ZFAND1: variants seen among roughly 807,000 people sequenced by gnomAD.
ZFAND1 encodes the protein AN1-type zinc finger protein 1.
A neutral mutation model predicts 38.5 loss-of-function variants in ZFAND1; 40 were observed. That is an observed-to-expected ratio of 1.04 (90% CI 0.81 to 1.35). ZFAND1 has a LOEUF of 1.35. ZFAND1 is among the 40% of genes most tolerant of loss of function. The pLI is 0.00. For synonymous variants in ZFAND1, 117 were observed against 103.6 expected (o/e 1.13, Z -0.78); for missense variants, 346 against 316.3 (o/e 1.09, Z -0.71).
At chr8:81,714,167 C>T in intron 5 of ZFAND1, 128 bp from the exon 6 acceptor site, 1 of 850,056 alleles carries the variant, frequency 1.2e-6, no homozygotes, top group African/African-American at 1.7e-5. Context: ...ACAGAGACCA[C>T]ATTCATTGTA....
intron 6 of ZFAND1, among the ~76,000 whole-genome samples, chr8:81,705,745 AC>A (rs1807959619): frequency 6.6e-6 from 1 of 152,080 alleles, no homozygotes; most frequent in Non-Finnish European, 1.5e-5. Context: ...ACATGGCAAA[AC>A]CCCGTCTCTT....
In ZFAND1 at chr8:81,715,071, G is replaced by C. The variant is rs1181970395; in HGVS notation, c.182C>G (p.Ser61Cys). Residue 61 changes from serine (S) to cysteine (C), a missense_variant, in exon 4 of 8, where the codon TCT (serine) becomes TGT (cysteine). Transcript: ENST00000220669. The part of the protein sequence containing the change: ...NERLKTDQHT[S>C]YPCSFKDCAE... ...ACAGTCTTTGAAAGAGCATGGGTAA[G>C]ATGTATGTTGATCTGTCTTCAGTCT... The C allele has an allele frequency of 1.2e-6, 2 of 1,613,920 alleles. No homozygotes were observed. Among genetic ancestry groups the C allele is most frequent in the Non-Finnish European group, 1.7e-6 (2 of 1,179,970 alleles).
chr8:81,703,479 A>G (rs1449950183), intron 6 of ZFAND1, among the ~76,000 whole-genome samples: 1 of 152,208 alleles, frequency 6.6e-6, no homozygotes, highest in African/African-American at 2.4e-5. Context: ...GCTAGAGTGC[A>G]ATGGCACGTT....
chr8:81,714,911 G>A lies in ZFAND1; in HGVS notation c.267-16C>T. 1.9e-6 allele frequency: 3 copies of A among 1,613,998 alleles called. No homozygotes were observed. Among genetic ancestry groups the A allele is most frequent in the Non-Finnish European group, 2.5e-6 (3 of 1,179,892 alleles). Reference sequence around the variant, plus strand: ...ATGACGGTGTCTATGAGCAACAGAAGAGTGACACTAGTTCATGTGTTTGTA... The same window carrying A: ...ATGACGGTGTCTATGAGCAACAGAAAAGTGACACTAGTTCATGTGTTTGTA... On this transcript the variant is annotated splice_polypyrimidine_tract_variant and intron_variant, in intron 4 of 7. Transcript: ENST00000220669.
At chr8:81,713,801 A>G (rs919752495) in intron 6 of ZFAND1, 117 bp downstream of exon 6, 30 of 1,040,498 alleles carry the variant, frequency 2.9e-5, no homozygotes, top group African/African-American at 2.7e-4. Flanking sequence ...ACCATGCAAC[A>G]TTAAGAATGA....
At chr8:81,721,194 G>T in intron 1 of ZFAND1, 33 bp downstream of exon 1, 1 of 1,545,380 alleles carries the variant, frequency 6.5e-7, no homozygotes. Context: ...GTCTCCCGCG[G>T]CCGGGGATGG....
At position 81,714,892 on chromosome 8, in the gene ZFAND1, G is replaced by A. The variant is rs757960679; in HGVS notation, c.270C>T (p.His90=). ...CACACTCATGATCTGACTGATGACG[G>A]TGTCTATGAGCAACAGAAGAGTGAC... ...PYCEKNFCLR[H]RHQSDHECEK... The change falls in exon 5 of 8, where the codon CAC becomes CAT. Residue 90 remains histidine, a synonymous_variant. Transcript: ENST00000220669. 6.2e-6 allele frequency: 10 copies of A among 1,614,060 alleles called. No homozygotes were observed. The highest frequency in any genetic ancestry group is 3.3e-5 in the Admixed American group (2 of 60,024).
intron 1 of ZFAND1, among the ~76,000 whole-genome samples, chr8:81,719,652 G>A (rs1808416096): frequency 6.6e-6 from 1 of 152,118 alleles, no homozygotes. Flanking sequence ...CAACTTCCCA[G>A]CACCTGATAC....
intron 2 of ZFAND1, 31 bp downstream of exon 2, chr8:81,718,151 C>T (rs1410674247): frequency 6.5e-7 from 1 of 1,527,196 alleles, no homozygotes; most frequent in Non-Finnish European, 8.9e-7. Context: ...ACTAAAATTA[C>T]TCCCAAATCC....
intron 1 of ZFAND1, chr8:81,720,766 G>GT (rs980330764): frequency 1.0e-4 from 19 of 181,616 alleles, no homozygotes; most frequent in South Asian, 4.1e-4. Context: ...GCTCAGCAGA[G>GT]TAAGTGTGAG....
chr8:81,717,257 A>C lies in ZFAND1; in HGVS notation c.130T>G (p.Cys44Gly). 1.3e-6 allele frequency: 2 copies of C among 1,546,736 alleles called. No individual in the cohort carries two copies. The highest frequency in any genetic ancestry group is 2.6e-5 in the South Asian group (2 of 78,032). Residue 44 changes from cysteine (C) to glycine (G), a missense_variant, in exon 3 of 8, where the codon TGT becomes GGT. Physicochemically the swap from Cys to Gly is radical, Grantham distance 159 (BLOSUM62 -3). Transcript: ENST00000220669. Reference protein sequence around the residue: ...LEHRSRESHGCPEVTVINERL... With the variant: ...LEHRSRESHGGPEVTVINERL... ...GAAAAATACTAACATACCTCAGGAC[A>C]ACCATGAGACTCCCTGCTTCTGTGT...
At chr8:81,713,613 T>C (rs934364026) in intron 6 of ZFAND1, among the ~76,000 whole-genome samples, 3 of 151,846 alleles carry the variant, frequency 2.0e-5, no homozygotes, top group African/African-American at 4.8e-5. Flanking sequence ...CAGTTTATAA[T>C]AGCAAAAAAT....
chr8:81,704,085 C>T (rs1006826690), intron 6 of ZFAND1, among the ~76,000 whole-genome samples: 8 of 139,226 alleles, frequency 5.7e-5, no homozygotes, highest in South Asian at 5.0e-4. Context: ...AAGGACTTTT[C>T]GGAACAAGGA....
rs989138092 is a variant in ZFAND1, at chr8:81,701,466, T to G, written c.*1229A>C. On this transcript the variant is annotated 3_prime_UTR_variant, in exon 8 of 8. Coordinates refer to ENST00000220669, the MANE Select transcript of ZFAND1 (RefSeq NM_024699.3). The stretch of plus-strand genomic sequence containing the variant: ...TATGCCCTGGGAAACAAAAAAAAAT[T>G]TGTCTGGCTCAATATACTCCAATAT... The G allele has an allele frequency of 3.9e-5, 6 of 152,144 alleles. No homozygotes were observed. The highest frequency in any genetic ancestry group is 6.5e-5 in the Admixed American group (1 of 15,268). The allele number at this position is 152,144 out of a possible 1,614,324, so 9.4% of individuals were successfully genotyped here.
At chr8:81,718,550 G>T (rs866441737) in intron 1 of ZFAND1, among the ~76,000 whole-genome samples, 1 of 151,394 alleles carries the variant, frequency 6.6e-6, no homozygotes, top group South Asian at 2.1e-4. Flanking sequence ...CAAAAATTCC[G>T]CATTTGGAGT....
At position 81,706,370 on chromosome 8, in the gene ZFAND1, C is replaced by CAAAAAAAAAAAAAAAAAAAAAAAA. The variant is rs35031788; in HGVS notation, c.481-3270_481-3247dup. Among the ~76,000 whole-genome samples, 32 of 72,676 alleles carry CAAAAAAAAAAAAAAAAAAAAAAAA rather than the reference C, an allele frequency of 4.4e-4. 1 individual carries two copies. The highest frequency in any genetic ancestry group is 1.4e-3 in the East Asian group (3 of 2,212). The allele number at this position is 72,676 out of a possible 152,430, so 47.7% of individuals were successfully genotyped here. Reference sequence around the variant, plus strand: ...CAAGTAAGCCCTAAGGAAGGAGAAACAAAAAAAAAAAAAAAAAAAAAAAAG... The same window carrying CAAAAAAAAAAAAAAAAAAAAAAAA: ...CAAGTAAGCCCTAAGGAAGGAGAAACAAAAAAAAAAAAAAAAAAAAAAAAAAAAAAAAAAAAAAAAAAAAAAAAG... On this transcript the variant is annotated intron_variant, in intron 6 of 7. Transcript: ENST00000220669.
At chr8:81,715,197 T>C in intron 3 of ZFAND1, 83 bp from the exon 4 acceptor site, 1 of 1,482,954 alleles carries the variant, frequency 6.7e-7, no homozygotes, top group South Asian at 1.3e-5. Context: ...GCAGTATTCA[T>C]TTTATTTTTG....
rs1476093224 is a variant in ZFAND1, at chr8:81,702,832, C to T, written c.670G>A (p.Ala224Thr). The T allele has an allele frequency of 7.5e-6, 12 of 1,603,072 alleles. No homozygotes were observed. Among genetic ancestry groups the T allele is most frequent in the Non-Finnish European group, 1.0e-5 (12 of 1,175,864 alleles). ...TCCAAAGTATGATCCAAGGGTAAGGCTTCTCCTGAAGTAATGTGACACAGC... is the reference window on the plus strand; with the variant it reads ...TCCAAAGTATGATCCAAGGGTAAGGTTTCTCCTGAAGTAATGTGACACAGC... ...LRLCHITSGE[A>T]LPLDHTLETW... Residue 224 changes from alanine (A) to threonine (T), a missense_variant, in exon 8 of 8, where the codon GCC (alanine) becomes ACC (threonine). Coordinates refer to ENST00000220669, the MANE Select transcript of ZFAND1 (RefSeq NM_024699.3).
intron 1 of ZFAND1, among the ~76,000 whole-genome samples, chr8:81,719,811 A>C (rs73284922): frequency 0.012 from 1,760 of 152,290 alleles, 27 homozygotes; most frequent in African/African-American, 0.039. Flanking sequence ...TGGAAAGGAA[A>C]ATGAACTATG....
Sources: allele counts gnomAD v4.1 joint callset (sites outside exome capture counted in the v4.1 genomes callset), GRCh38; gene constraint gnomAD v4.1.1; transcripts MANE v1.5; gene names NCBI Gene and HGNC (gene_info 2026-07-23, HGNC 2026-07-21).